The following GC variants were observed in gnomAD, a reference collection of about 807,000 sequenced individuals.
The protein encoded by GC is vitamin D-binding protein.
In GC, 43 loss-of-function variants were observed where a neutral mutation model predicts 56.7. The observed-to-expected ratio is 0.76, with a 90% confidence interval of 0.59 to 0.98. GC has a LOEUF of 0.98. Among genes scored for constraint, GC ranks in the 50% least tolerant of loss-of-function variants. The pLI, the probability that GC is intolerant of heterozygous loss-of-function variation, is 0.00. For synonymous variants in GC, 216 were observed against 202.7 expected, an observed-to-expected ratio of 1.07 and a Z score of -0.56; for missense variants, 529 against 545.9, an observed-to-expected ratio of 0.97 and a Z score of 0.31.
intron 1 of GC, among the ~76,000 whole-genome samples, chr4:71,796,200 T>A (rs556449150): frequency 2.6e-4 from 40 of 152,300 alleles, no homozygotes; most frequent in African/African-American, 8.2e-4. Flanking sequence ...CGAATTTGAA[T>A]GTTGGCCTGC....
chr4:71,785,031 G>A (rs1030162871), upstream of GC, among the ~76,000 whole-genome samples: 1 of 151,660 alleles, frequency 6.6e-6, no homozygotes, highest in Non-Finnish European at 1.5e-5. Flanking sequence ...GTCAGGTACA[G>A]GTTGTTACAC....
chr4:71,784,250 T>C, upstream of GC: 3 of 1,224,686 alleles, frequency 2.4e-6, no homozygotes, highest in Non-Finnish European at 3.1e-6. Context: ...ACCCTGGGGA[T>C]ACTGTAGTGG....
At chr4:71,794,870 T>C (rs1743058855) in intron 1 of GC, among the ~76,000 whole-genome samples, 1 of 152,210 alleles carries the variant, frequency 6.6e-6, no homozygotes, top group African/African-American at 2.4e-5. Flanking sequence ...TTTTTTCTCA[T>C]TGGTTTCAAA....
At chr4:71,798,092 G>T (rs1341230014) in intron 1 of GC, among the ~76,000 whole-genome samples, 1 of 151,970 alleles carries the variant, frequency 6.6e-6, no homozygotes, top group Non-Finnish European at 1.5e-5. Context: ...CAAGTTCATT[G>T]CTCTTCTGAT....
At chr4:71,761,646 A>T (rs1429866155) in intron 6 of GC, among the ~76,000 whole-genome samples, 2 of 152,126 alleles carry the variant, frequency 1.3e-5, no homozygotes, top group African/African-American at 4.8e-5. Context: ...GGTTTCTTGG[A>T]CCAGGCTCAG....
At chr4:71,784,328 T>C (rs999199905), upstream of GC, 5 of 1,059,936 alleles carry the variant, frequency 4.7e-6, no homozygotes, top group Non-Finnish European at 5.7e-6. Context: ...TAGATTATTT[T>C]CCACTGCTGT....
At position 71,750,697 on chromosome 4, in the gene GC, C is replaced by T. The variant is rs897675205; in HGVS notation, c.1395+1821G>A. Among the ~76,000 whole-genome samples, 7 of 152,126 alleles carry T rather than the reference C, an allele frequency of 4.6e-5. No homozygotes were observed. In the South Asian group the frequency reaches 6.2e-4, roughly 14 times the overall value. On this transcript the variant is annotated intron_variant, in intron 11 of 12. Coordinates refer to ENST00000273951, the MANE Select transcript of GC (RefSeq NM_000583.4). ...GTCAGGAGTTCCAGATCAGCCTGGC[C>T]AACATGGTGAAACCCTGTCTCTACC...
At chr4:71,749,410 A>G (rs1741476027) in intron 11 of GC, among the ~76,000 whole-genome samples, 4 of 152,312 alleles carry the variant, frequency 2.6e-5, no homozygotes, top group South Asian at 4.1e-4. Context: ...TTTGTCTTGT[A>G]TGGTGTCAGG....
chr4:71,802,944 T>C (rs1354588104), intron 1 of GC, among the ~76,000 whole-genome samples: 1 of 151,634 alleles, frequency 6.6e-6, no homozygotes, highest in Non-Finnish European at 1.5e-5. Flanking sequence ...TGAGTATGTA[T>C]AGCTTTCACA....
chr4:71,759,880 A>T (rs1342853529), intron 6 of GC, among the ~76,000 whole-genome samples: 4 of 152,190 alleles, frequency 2.6e-5, no homozygotes, highest in Non-Finnish European at 5.9e-5. Flanking sequence ...TCACTTAATG[A>T]TTATATAAGT....
chr4:71,769,582 T>A (rs1223081652), intron 1 of GC, 182 bp from the exon 2 acceptor site: 1 of 544,724 alleles, frequency 1.8e-6, no homozygotes, highest in East Asian at 3.2e-5. Context: ...GCCACAATTT[T>A]ATGACATTCT....
chr4:71,744,139 G>T (rs1166482082), intron 12 of GC, among the ~76,000 whole-genome samples: 1 of 151,946 alleles, frequency 6.6e-6, no homozygotes, highest in Non-Finnish European at 1.5e-5. Flanking sequence ...TCTTGATTGA[G>T]TTAGCATCAA....
chr4:71,784,115 C>T, upstream of GC: 2 of 1,503,168 alleles, frequency 1.3e-6, no homozygotes, highest in Non-Finnish European at 1.8e-6. Context: ...TACAAAGATT[C>T]CTGACTATGA....
At chr4:71,786,639 G>A (rs1471535572), upstream of GC, among the ~76,000 whole-genome samples, 2 of 151,690 alleles carry the variant, frequency 1.3e-5, no homozygotes, top group Admixed American at 1.3e-4. Context: ...TTCCTAACTA[G>A]GGCTAGTTCC....
chr4:71,771,219 T>C (rs1160932251), intron 1 of GC, among the ~76,000 whole-genome samples: 1 of 152,104 alleles, frequency 6.6e-6, no homozygotes, highest in African/African-American at 2.4e-5. Context: ...TTTCCTCTCC[T>C]CTCTAACAGT....
Position 71,763,400 on chromosome 4 carries a change from A to G in GC, c.701+8T>C. On this transcript the variant is annotated splice_region_variant and intron_variant, in intron 6 of 12. Coordinates refer to ENST00000273951, the MANE Select transcript of GC (RefSeq NM_000583.4). ...CATCTAAATATGACAATAGCACTTA[A>G]TCTTTACCTGAGCCTTGATTTCTTC... is the stretch of plus-strand genomic sequence containing the variant. 2 of 1,480,356 alleles carry G rather than the reference A, an allele frequency of 1.4e-6. No individual in the cohort carries two copies. The highest frequency in any genetic ancestry group is 1.9e-6 in the Non-Finnish European group (2 of 1,059,734). 91.7% of individuals were successfully genotyped at this position (1,480,356 alleles called of 1,614,324 possible).
chr4:71,760,132 C>A (rs981839906), intron 6 of GC, among the ~76,000 whole-genome samples: 1 of 150,790 alleles, frequency 6.6e-6, no homozygotes, highest in Admixed American at 6.6e-5. Flanking sequence ...CAAGCTCTGC[C>A]TCCCAGGTTC....
chr4:71,781,008 G>A (rs222031), intron 1 of GC, among the ~76,000 whole-genome samples: 110,415 of 152,052 alleles, frequency 0.73, 41,154 homozygotes, highest in South Asian at 0.83. Context: ...ATGATAGACC[G>A]GATTTAAAAA....
At chr4:71,748,997 G>A (rs1295121241) in intron 11 of GC, among the ~76,000 whole-genome samples, 3 of 152,128 alleles carry the variant, frequency 2.0e-5, no homozygotes, top group Admixed American at 6.5e-5. Context: ...GGACATTCAC[G>A]TTAGGCATTG....
Sources: gnomAD v4.1 joint callset for allele counts (sites outside exome capture counted in the v4.1 genomes callset) on GRCh38, gnomAD v4.1.1 for gene constraint, MANE v1.5 for transcripts, NCBI Gene and HGNC (gene_info 2026-07-23, HGNC 2026-07-21) for gene names.